The following ZNF385D variants were observed in gnomAD, a reference collection of about 807,000 sequenced individuals.
The protein encoded by ZNF385D is zinc finger protein 659.
A neutral mutation model predicts 35.8 loss-of-function variants in ZNF385D; 15 were observed. The observed-to-expected ratio is 0.42, with a 90% CI of 0.28 to 0.64. The LOEUF is 0.64. Among genes scored for constraint, ZNF385D ranks in the 30% least tolerant of loss-of-function variants. The pLI is 0.23. For missense variants in ZNF385D, 474 were observed against 494.6 expected, an observed-to-expected ratio of 0.96 and a Z score of 0.39; for synonymous variants, 212 against 186.8, an observed-to-expected ratio of 1.13 and a Z score of -1.10.
intron 3 of ZNF385D, among the ~76,000 whole-genome samples, chr3:21,982,928 TG>T: frequency 6.6e-6 from 1 of 152,194 alleles, no homozygotes; most frequent in Admixed American, 6.5e-5. Flanking sequence ...ACTTGCCTTC[TG>T]GGGATGAAGC....
chr3:21,548,974 C>T (rs774767924), intron 3 of ZNF385D, among the ~76,000 whole-genome samples: 1 of 152,084 alleles, frequency 6.6e-6, no homozygotes, highest in African/African-American at 2.4e-5. Context: ...ATATCAAATA[C>T]AAAACAATTT....
chr3:22,071,245 C>T (rs371297246), intron 3 of ZNF385D, among the ~76,000 whole-genome samples: 1 of 152,118 alleles, frequency 6.6e-6, no homozygotes, highest in African/African-American at 2.4e-5. Context: ...AAGGTTCCAA[C>T]TCATTCTTCA....
chr3:22,269,377 A>G (rs1045115110), intron 2 of ZNF385D, among the ~76,000 whole-genome samples: 1 of 152,012 alleles, frequency 6.6e-6, no homozygotes, highest in Non-Finnish European at 1.5e-5. Context: ...GGCAGGAGGC[A>G]CCAGTAGACT....
intron 3 of ZNF385D, among the ~76,000 whole-genome samples, chr3:22,026,726 G>C (rs1386925573): frequency 6.6e-6 from 1 of 152,198 alleles, no homozygotes. Context: ...GAAGCCATTA[G>C]AGCTGCCTCT....
intron 4 of ZNF385D, among the ~76,000 whole-genome samples, chr3:21,467,140 A>G (rs368530482): frequency 6.6e-6 from 1 of 152,348 alleles, no homozygotes; most frequent in East Asian, 1.9e-4. Context: ...AAGTAAAATT[A>G]AGAAGGAAAC....
At chr3:22,352,172 C>T (rs991826275) in intron 2 of ZNF385D, among the ~76,000 whole-genome samples, 6 of 152,150 alleles carry the variant, frequency 3.9e-5, no homozygotes, top group African/African-American at 1.2e-4. Context: ...AATTTACAAT[C>T]CTTACTTTTC....
intron 2 of ZNF385D, among the ~76,000 whole-genome samples, chr3:21,578,385 T>C (rs567390862): frequency 6.6e-6 from 1 of 152,312 alleles, no homozygotes; most frequent in Admixed American, 6.5e-5. Context: ...TGAAGTCTTA[T>C]ACATAAAATC....
chr3:22,222,952 T>C (rs60430780), intron 2 of ZNF385D, among the ~76,000 whole-genome samples: 30,716 of 152,054 alleles, frequency 0.2, 3,910 homozygotes, highest in East Asian at 0.45. Flanking sequence ...TGTGGCTTTG[T>C]TTAGTCATTG....
At position 21,465,950 on chromosome 3, in the gene ZNF385D, A is replaced by G. The variant is rs151233548; in HGVS notation, c.440-28747T>C. Among the ~76,000 whole-genome samples the G allele has an allele frequency of 4.7e-4, 71 of 152,274 alleles. No homozygotes were observed. Among genetic ancestry groups the G allele is most frequent in the African/African-American group, 1.7e-3 (71 of 41,568 alleles). On this transcript the variant is annotated intron_variant, in intron 4 of 7. Transcript: ENST00000281523. This position sits in a 1 kb window ranked among gnomAD's most constrained non-coding sequence, Gnocchi z 4.2. ...CTTCTGCTGCATAAATGTGCTAGGC[A>G]TCTCCACTAGGGTTTGCAAAAATCT...
chr3:21,923,488 C>G (rs936233958), intron 3 of ZNF385D, among the ~76,000 whole-genome samples: 1 of 152,134 alleles, frequency 6.6e-6, no homozygotes, highest in Admixed American at 6.5e-5. Context: ...TACTATTTGA[C>G]CAGCAATCCC....
chr3:22,165,079 G>T (rs767380200), intron 3 of ZNF385D, among the ~76,000 whole-genome samples: 2 of 152,112 alleles, frequency 1.3e-5, no homozygotes, highest in Non-Finnish European at 2.9e-5. Flanking sequence ...TTGTGATGTT[G>T]GATACATGTC....
chr3:22,271,219 G>GACAGCAAT (rs5847172), intron 2 of ZNF385D, among the ~76,000 whole-genome samples: 61,863 of 151,072 alleles, frequency 0.41, 12,773 homozygotes, highest in Non-Finnish European at 0.42. Flanking sequence ...ATAGTCAGGA[G>GACAGCAAT]ACAGCAATAA....
At chr3:21,704,223 G>T (rs2067812131) in intron 1 of ZNF385D, among the ~76,000 whole-genome samples, 1 of 152,088 alleles carries the variant, frequency 6.6e-6, no homozygotes, top group Admixed American at 6.6e-5. Flanking sequence ...GCTAGTGGTT[G>T]GTTTGCCTAC....
At chr3:21,725,283 A>C (rs960784391) in intron 1 of ZNF385D, among the ~76,000 whole-genome samples, 1 of 152,202 alleles carries the variant, frequency 6.6e-6, no homozygotes, top group African/African-American at 2.4e-5. Context: ...CTAGAGAAAC[A>C]AGAACAAATA....
intron 2 of ZNF385D, among the ~76,000 whole-genome samples, chr3:22,318,794 A>AAAATGTACTG (rs1337967942): frequency 1.3e-5 from 2 of 152,216 alleles, no homozygotes; most frequent in Admixed American, 1.3e-4. Flanking sequence ...GTATAAAACA[A>AAAATGTACTG]AAATGTACTG....
chr3:22,341,881 C>G (rs1695435471), intron 2 of ZNF385D, among the ~76,000 whole-genome samples: 1 of 152,180 alleles, frequency 6.6e-6, no homozygotes, highest in Non-Finnish European at 1.5e-5. Context: ...ATAGTAGGTG[C>G]TCAGTAAATT....
intron 2 of ZNF385D, among the ~76,000 whole-genome samples, chr3:21,660,456 C>T (rs2066204114): frequency 6.6e-6 from 1 of 152,096 alleles, no homozygotes; most frequent in Admixed American, 6.6e-5. Flanking sequence ...GAAATAGAGC[C>T]ATGGGGACGG....
intron 4 of ZNF385D, among the ~76,000 whole-genome samples, chr3:21,480,755 T>C (rs2125375593): frequency 6.6e-6 from 1 of 152,328 alleles, no homozygotes; most frequent in East Asian, 1.9e-4. Context: ...TCCAATAATC[T>C]ATTTTAATTC....
intron 3 of ZNF385D, among the ~76,000 whole-genome samples, chr3:22,042,015 T>A (rs1698693633): frequency 1.3e-5 from 2 of 152,168 alleles, no homozygotes; most frequent in Admixed American, 1.3e-4. Context: ...GTTGGAAATG[T>A]GTTTTAATAG....
Sources: allele counts gnomAD v4.1 joint callset (sites outside exome capture counted in the v4.1 genomes callset), GRCh38; gene constraint gnomAD v4.1.1; non-coding constraint Gnocchi (gnomAD v3.1); transcripts MANE v1.5; gene names NCBI Gene and HGNC (gene_info 2026-07-23, HGNC 2026-07-21).